IQANK1: variants seen among roughly 807,000 people sequenced by gnomAD.
IQANK1 encodes the protein IQ motif and ankyrin repeat domain-containing protein 1.
Under a neutral mutation model 22.6 loss-of-function variants are expected in IQANK1, and 30 were observed. That is an observed-to-expected ratio of 1.33 (90% confidence interval 0.99 to 1.80). The LOEUF (loss-of-function observed/expected upper bound fraction) is 1.80. Ranked by LOEUF, IQANK1 falls within the 40% of genes most tolerant of loss-of-function variation. The pLI, the probability that IQANK1 is intolerant of heterozygous loss-of-function variation, is 0.00. For missense variants in IQANK1, 275 were observed against 235.2 expected (o/e 1.17, Z -1.11); for synonymous variants, 122 against 99.6 (o/e 1.23, Z -1.34).
intron 3 of IQANK1, among the ~76,000 whole-genome samples, chr8:143,769,102 G>A (rs1450372939): frequency 4.6e-5 from 7 of 152,072 alleles, no homozygotes; most frequent in Non-Finnish European, 1.0e-4. Context: ...TCGCTCTGTT[G>A]TCCAGGCTGG....
In IQANK1 at chr8:143,771,463, C is replaced by T. The variant is rs893975918; in HGVS notation, c.176-25C>T. The T allele has an allele frequency of 6.8e-5, 27 of 397,296 alleles. No homozygotes were observed. The highest frequency in any genetic ancestry group is 6.3e-4 in the Middle Eastern group (1 of 1,582). 24.6% of individuals were successfully genotyped at this position (397,296 alleles called of 1,614,324 possible). A position where few individuals can be genotyped will look rare whatever the true frequency, so the allele number is the denominator to read the frequency against. Reference sequence around the variant, plus strand: ...GGCGTGGCTGGAGGCGAGAACGCGCCCCCGTGAGCCTCTCCCCACCCCAGG... The same window carrying T: ...GGCGTGGCTGGAGGCGAGAACGCGCTCCCGTGAGCCTCTCCCCACCCCAGG... On this transcript the variant is annotated intron_variant, in intron 3 of 13. Transcript: ENST00000527139. The surrounding 1 kb of genome is among the most constrained non-coding windows in gnomAD (Gnocchi z 6.0).
chr8:143,740,707 G>A (rs1350291920), intron 3 of IQANK1, among the ~76,000 whole-genome samples: 1 of 152,180 alleles, frequency 6.6e-6, no homozygotes, highest in Non-Finnish European at 1.5e-5. Flanking sequence ...CCAGATGCAG[G>A]CCTGGCACCG....
At chr8:143,734,928 C>A (rs1171412323) in intron 1 of IQANK1, among the ~76,000 whole-genome samples, 1 of 152,032 alleles carries the variant, frequency 6.6e-6, no homozygotes, top group South Asian at 2.1e-4. Context: ...GCCCCTCCCC[C>A]TCTTAGGCCC....
At chr8:143,775,355 G>GACACACACACACACACAGAC (rs1819662519) in intron 7 of IQANK1, among the ~76,000 whole-genome samples, 1 of 99,488 alleles carries the variant, frequency 1.0e-5, no homozygotes, top group African/African-American at 3.0e-5. Flanking sequence ...CACACACACA[G>GACACACACACACACACAGAC]ACACACACAC....
At chr8:143,749,822 C>G (rs972335842) in intron 3 of IQANK1, among the ~76,000 whole-genome samples, 51 of 150,714 alleles carry the variant, frequency 3.4e-4, no homozygotes, top group African/African-American at 1.1e-3. Context: ...CTGAGCCTCT[C>G]AAAATGCTGG....
At chr8:143,743,033 A>T (rs1554626821) in intron 3 of IQANK1, 2 of 455,838 alleles carry the variant, frequency 4.4e-6, no homozygotes, top group Admixed American at 4.7e-5. Context: ...TGCCCAGGAG[A>T]TGGGGGGGCC....
intron 7 of IQANK1, among the ~76,000 whole-genome samples, chr8:143,777,290 T>C (rs782674645): frequency 1.3e-5 from 2 of 151,784 alleles, no homozygotes; most frequent in Non-Finnish European, 2.9e-5. Context: ...CTGAGGTGCG[T>C]AGATCACCTG....
chr8:143,779,575 C>T (rs887303678), intron 7 of IQANK1, among the ~76,000 whole-genome samples: 5 of 152,144 alleles, frequency 3.3e-5, no homozygotes, highest in Admixed American at 1.3e-4. Context: ...TTTACTCATT[C>T]ATTCATCATT....
At position 143,790,378 on chromosome 8, in the gene IQANK1, CGA is replaced by C; in HGVS notation, c.1457_1458del (p.Glu486GlyfsTer29). The C allele has an allele frequency of 1.0e-6, 1 of 1,003,624 alleles. No homozygotes were observed. The highest frequency in any genetic ancestry group is 1.3e-6 in the Non-Finnish European group (1 of 780,396). The allele number at this position is 1,003,624 out of a possible 1,614,324, so 62.2% of individuals were successfully genotyped here. A position where few individuals can be genotyped will look rare whatever the true frequency, so the allele number is the denominator to read the frequency against. ...RYGKPLVFDL[R>X]EEDLFPVVQR... ...TGGGAAGCCGCTGGTGTTCGACCTGCGAGAGGAAGACCTGTTCCCAGTCGTGC... is the reference window on the plus strand; with the variant it reads ...TGGGAAGCCGCTGGTGTTCGACCTGCGAGGAAGACCTGTTCCCAGTCGTGC... On this transcript the variant is annotated frameshift_variant, in exon 14 of 14. Coordinates refer to ENST00000527139, the MANE Select transcript of IQANK1 (RefSeq NM_001381874.1). LOFTEE classifies it low-confidence loss of function (END_TRUNC).
At chr8:143,770,900 A>G (rs536297236) in intron 3 of IQANK1, among the ~76,000 whole-genome samples, 3 of 152,326 alleles carry the variant, frequency 2.0e-5, no homozygotes, top group African/African-American at 7.2e-5. Context: ...GGCAGCGCTG[A>G]GCCCGACGCC....
chr8:143,771,785 G>C lies in IQANK1; in HGVS notation c.307-16G>C. 2.5e-6 allele frequency: 1 copy of C among 397,120 alleles called. No individual in the cohort carries two copies. Among genetic ancestry groups the C allele is most frequent in the Non-Finnish European group, 4.4e-6 (1 of 225,262 alleles). The allele number at this position is 397,120 out of a possible 1,614,324, so 24.6% of individuals were successfully genotyped here. A position where few individuals can be genotyped will look rare whatever the true frequency, so the allele number is the denominator to read the frequency against. The stretch of plus-strand genomic sequence containing the variant: ...GTGGCGCGGAGTGGGCGGTGACTTC[G>C]GCGGGCGCCTCCCAGGCCTACCTGG... On this transcript the variant is annotated splice_polypyrimidine_tract_variant and intron_variant, in intron 4 of 13. Coordinates refer to ENST00000527139, the MANE Select transcript of IQANK1 (RefSeq NM_001381874.1). This position sits in a 1 kb window ranked among gnomAD's most constrained non-coding sequence, Gnocchi z 6.0.
At chr8:143,754,892 C>T (rs1207056427) in intron 3 of IQANK1, among the ~76,000 whole-genome samples, 1 of 152,154 alleles carries the variant, frequency 6.6e-6, no homozygotes, top group African/African-American at 2.4e-5. Context: ...TCCCAAAGTG[C>T]TGGGATTACA....
intron 3 of IQANK1, among the ~76,000 whole-genome samples, chr8:143,740,459 G>A (rs1365790655): frequency 1.3e-5 from 2 of 152,200 alleles, no homozygotes; most frequent in South Asian, 2.1e-4. Context: ...GCTCAGCAGC[G>A]CCTCCCAACG....
At chr8:143,749,586 TA>T (rs797037716) in intron 3 of IQANK1, among the ~76,000 whole-genome samples, 22,843 of 93,720 alleles carry the variant, frequency 0.24, 2,241 homozygotes, top group East Asian at 0.57. Flanking sequence ...ATATATATTT[TA>T]TTTATTTATT....
chr8:143,779,060 C>G (rs1554630733), intron 7 of IQANK1, among the ~76,000 whole-genome samples: 1 of 152,080 alleles, frequency 6.6e-6, no homozygotes, highest in African/African-American at 2.4e-5. Context: ...AGCCACCATG[C>G]CCAGCCATGA....
chr8:143,741,475 G>C (rs1818912208), intron 3 of IQANK1, among the ~76,000 whole-genome samples: 1 of 152,204 alleles, frequency 6.6e-6, no homozygotes. Flanking sequence ...TGGGTTTCCA[G>C]CTCAGAAGCA....
At chr8:143,786,263 C>T (rs1554631345) in intron 7 of IQANK1, among the ~76,000 whole-genome samples, 1 of 152,108 alleles carries the variant, frequency 6.6e-6, no homozygotes, top group Non-Finnish European at 1.5e-5. Flanking sequence ...TTGGGGGTAC[C>T]AGCGGTCTGG....
At position 143,789,013 on chromosome 8, in the gene IQANK1, G is replaced by C. The variant is rs1819953182; in HGVS notation, c.888G>C (p.Arg296=). The change falls in exon 8 of 14, where the codon CGG becomes CGC. Residue 296 remains arginine (R), a synonymous_variant. Coordinates refer to ENST00000527139, the MANE Select transcript of IQANK1 (RefSeq NM_001381874.1). ...LQNMEAEQQR[R]AQEAQRHKEA... is the part of the protein sequence containing the mutation. Reference sequence around the variant, plus strand: ...ACATGGAGGCTGAGCAGCAGCGCCGGGCCCAGGAGGCCCAGAGGCACAAGG... The same window carrying C: ...ACATGGAGGCTGAGCAGCAGCGCCGCGCCCAGGAGGCCCAGAGGCACAAGG... The C allele has an allele frequency of 2.5e-6, 1 of 400,054 alleles. No individual in the cohort carries two copies. The highest frequency in any genetic ancestry group is 4.4e-6 in the Non-Finnish European group (1 of 226,844). 24.8% of individuals were successfully genotyped at this position (400,054 alleles called of 1,614,324 possible).
At chr8:143,742,077 T>G (rs1367768226) in intron 3 of IQANK1, 1 of 333,460 alleles carries the variant, frequency 3.0e-6, no homozygotes, top group Non-Finnish European at 6.0e-6. Context: ...CGACTCTCTC[T>G]AGGAGCGTCC....
Sources: gnomAD v4.1 joint callset for allele counts (sites outside exome capture counted in the v4.1 genomes callset) on GRCh38, gnomAD v4.1.1 for gene constraint, Gnocchi (gnomAD v3.1) non-coding constraint, MANE v1.5 for transcripts, NCBI Gene and HGNC (gene_info 2026-07-23, HGNC 2026-07-21) for gene names.